Variants in C16orf96 observed in about 807,000 individuals in gnomAD.
C16orf96 encodes uncharacterized protein C16orf96.
Under a neutral mutation model 103.6 loss-of-function variants are expected in C16orf96, and 108 were observed. That is an observed-to-expected ratio of 1.04 (90% CI 0.89 to 1.22). C16orf96 has a LOEUF of 1.22. Among genes scored for constraint, C16orf96 ranks in the 50% most tolerant of loss-of-function variants. C16orf96 has a pLI of 0.00. For synonymous variants in C16orf96, 566 were observed against 593.5 expected (o/e 0.95, Z 0.67); for missense variants, 1,586 against 1,464.2 (o/e 1.08, Z -1.36).
Position 4,592,241 on chromosome 16 carries a change from T to C in C16orf96, c.2712-64T>C, listed in dbSNP as rs1347309271. The C allele has an allele frequency of 4.5e-6, 7 of 1,546,136 alleles. No individual in the cohort carries two copies. The African/African-American group carries it at 9.6e-5, about 21-fold the overall frequency. On this transcript the variant is annotated intron_variant, in intron 10 of 15. Transcript: ENST00000444310. ...ATGCAGCCCTGGGGCTCTGGCTGGC[T>C]GCAGCCTCCCACACATGGCCTGGGC...
chr16:4,583,968 C>G (rs1438722349), intron 7 of C16orf96, among the ~76,000 whole-genome samples: 1 of 148,034 alleles, frequency 6.8e-6, no homozygotes, highest in Non-Finnish European at 1.5e-5. Flanking sequence ...AAGACCAGAT[C>G]TAAGATTTAC....
chr16:4,556,905 C>T lies in C16orf96; in HGVS notation c.416C>T (p.Ala139Val). Residue 139 changes from alanine (A) to valine (V), a missense_variant, in exon 1 of 16, where the codon GCC becomes GTC. Coordinates refer to ENST00000444310, the MANE Select transcript of C16orf96 (RefSeq NM_001145011.2). ...GTGGAGGGTCATGATGAAGTCATGG[C>T]CAAGGTACGCCCCCAGCCTCCAGAC... ...KMVEGHDEVM[A>V]KSMQTLQDLL... 6.5e-7 allele frequency: 1 copy of T among 1,539,072 alleles called. No homozygotes were observed. The highest frequency in any genetic ancestry group is 1.4e-5 in the African/African-American group (1 of 72,940).
intron 9 of C16orf96, among the ~76,000 whole-genome samples, chr16:4,589,369 A>G (rs1897003625): frequency 6.6e-6 from 1 of 151,316 alleles, no homozygotes; most frequent in South Asian, 2.1e-4. Flanking sequence ...ACTTGAGCCC[A>G]GGAGTTCAAG....
At chr16:4,540,869 A>G in the C16orf96 span, among the ~76,000 whole-genome samples, 4 of 149,288 alleles carry the variant, frequency 2.7e-5, no homozygotes, top group Non-Finnish European at 5.9e-5. Context: ...TCAGCCTCCC[A>G]AGTAGCTGGG....
intron 1 of C16orf96, among the ~76,000 whole-genome samples, chr16:4,563,349 A>T (rs2059352755): frequency 6.6e-6 from 1 of 152,004 alleles, no homozygotes; most frequent in Non-Finnish European, 1.5e-5. Flanking sequence ...TCCCGGGCTC[A>T]ACCCTGGAGG....
rs557189209 is a variant in C16orf96 at position 4,576,229 on chromosome 16, C to T, written c.1749C>T (p.Ser583=). 1 of 1,550,818 alleles carries T rather than the reference C, an allele frequency of 6.4e-7. No individual in the cohort carries two copies. The highest frequency in any genetic ancestry group is 2.4e-5 in the East Asian group (1 of 40,926). The change falls in exon 5 of 16, where the codon TCC becomes TCT. Residue 583 remains serine (S), a synonymous_variant. Coordinates refer to ENST00000444310, the MANE Select transcript of C16orf96 (RefSeq NM_001145011.2). Reference sequence around the variant, plus strand: ...CCGCAGCCTACGCCGCTGCCACATCCTCCGCTGCCCAGGCAGCCAAAGTTG... The same window carrying T: ...CCGCAGCCTACGCCGCTGCCACATCTTCCGCTGCCCAGGCAGCCAAAGTTG... The part of the protein sequence containing the change: ...AAAAAYAAAT[S]SAAQAAKVAA...
chr16:4,552,537 A>G (rs1291248252), upstream of C16orf96, among the ~76,000 whole-genome samples: 2 of 151,764 alleles, frequency 1.3e-5, no homozygotes, highest in Non-Finnish European at 2.9e-5. Context: ...CCACTATTAC[A>G]TGTAGTTGTC....
chr16:4,576,469 G>C lies in C16orf96; in HGVS notation c.1989G>C (p.Leu663=). 1.4e-5 allele frequency: 22 copies of C among 1,551,478 alleles called. No individual in the cohort carries two copies. Among genetic ancestry groups the C allele is most frequent in the Admixed American group, 2.0e-5 (1 of 51,002 alleles). The change falls in exon 5 of 16, where the codon CTG becomes CTC. Residue 663 remains leucine, a synonymous_variant. Coordinates refer to ENST00000444310, the MANE Select transcript of C16orf96 (RefSeq NM_001145011.2). ...SAASIGPDPA[L]SQAMVATKQA... is the part of the protein sequence containing the mutation. The stretch of plus-strand genomic sequence containing the variant: ...CCAGCATCGGTCCCGATCCAGCCCT[G>C]TCCCAGGCCATGGTGGCTACCAAGC...
chr16:4,551,986 C>T (rs984357551), upstream of C16orf96, among the ~76,000 whole-genome samples: 10 of 152,156 alleles, frequency 6.6e-5, no homozygotes, highest in South Asian at 1.2e-3. Flanking sequence ...TTGTTCACCT[C>T]CCACTTATGA....
At chr16:4,547,681 CTTCCTTCCTTCTTTCTTTCTTTCTTTCT>C in the C16orf96 span, among the ~76,000 whole-genome samples, 2 of 16,448 alleles carry the variant, frequency 1.2e-4, no homozygotes, top group Non-Finnish European at 1.9e-4. Context: ...TGCTTCCTTC[CTTCCTTCCTTCTTTCTTTCTTTCTTTCT>C]TTCTTTCTTT....
Position 4,580,038 on chromosome 16 carries a change from G to C in C16orf96, c.2265G>C (p.Trp755Cys). 1 of 1,551,190 alleles carries C rather than the reference G, an allele frequency of 6.4e-7. No homozygotes were observed. The highest frequency in any genetic ancestry group is 8.7e-7 in the Non-Finnish European group (1 of 1,146,796). Reference protein sequence around the residue: ...RLKEEELERIWGNQIEMMKDR... With the variant: ...RLKEEELERICGNQIEMMKDR... Reference sequence around the variant, plus strand: ...AGGAGGAAGAACTTGAGAGAATTTGGGGCAACCAAATAGAGATGATGAAGG... The same window carrying C: ...AGGAGGAAGAACTTGAGAGAATTTGCGGCAACCAAATAGAGATGATGAAGG... The change falls in exon 7 of 16, where the codon TGG becomes TGC. Residue 755 changes from tryptophan (W) to cysteine (C), a missense_variant. Physicochemically the swap from Trp to Cys is radical, Grantham distance 215 (BLOSUM62 -2). Coordinates refer to ENST00000444310, the MANE Select transcript of C16orf96 (RefSeq NM_001145011.2).
In C16orf96 at chr16:4,600,711, C is replaced by A. The variant is rs1270528488; in HGVS notation, c.*394C>A. Reference sequence around the variant, plus strand: ...GCATATAAATACAAACAGCACAGTGCACATTCTCATTCTACATTGTCATAT... The same window carrying A: ...GCATATAAATACAAACAGCACAGTGAACATTCTCATTCTACATTGTCATAT... On this transcript the variant is annotated 3_prime_UTR_variant, in exon 16 of 16. Coordinates refer to ENST00000444310, the MANE Select transcript of C16orf96 (RefSeq NM_001145011.2). 4.8e-6 allele frequency: 1 copy of A among 206,338 alleles called. No individual in the cohort carries two copies. The highest frequency in any genetic ancestry group is 2.3e-5 in the African/African-American group (1 of 43,350). The allele number at this position is 206,338 out of a possible 1,614,324, so 12.8% of individuals were successfully genotyped here. A position where few individuals can be genotyped will look rare whatever the true frequency, so the allele number is the denominator to read the frequency against.
chr16:4,563,251 C>T (rs1040294428), intron 1 of C16orf96: 4 of 450,168 alleles, frequency 8.9e-6, no homozygotes, highest in East Asian at 1.1e-4. Context: ...ATGACTGACT[C>T]GTTTGTTTTT....
At chr16:4,589,805 T>C (rs986458116) in intron 9 of C16orf96, among the ~76,000 whole-genome samples, 6 of 152,244 alleles carry the variant, frequency 3.9e-5, no homozygotes, top group African/African-American at 1.4e-4. Context: ...ATTAGTGAAA[T>C]GTCACCATTT....
At position 4,600,296 on chromosome 16, in the gene C16orf96, C is replaced by A. The variant is rs372802536; in HGVS notation, c.3405C>A (p.Pro1135=). The part of the protein sequence containing the change: ...HIESRVGRKP[P]EEPANP ...AGTCCCGAGTCGGCAGGAAGCCCCC[C>A]GAGGAGCCCGCCAACCCGTGAGCCC... Residue 1135 remains proline (P), a synonymous_variant, in exon 16 of 16, where the codon CCC becomes CCA. Transcript: ENST00000444310. The A allele has an allele frequency of 2.9e-5, 45 of 1,550,132 alleles. No homozygotes were observed. In the Admixed American group the frequency reaches 2.9e-4, roughly 10 times the overall value.
At chr16:4,599,386 C>G (rs1897239351) in intron 15 of C16orf96, 22 bp downstream of exon 15, 3 of 1,542,732 alleles carry the variant, frequency 1.9e-6, no homozygotes, top group Non-Finnish European at 2.6e-6. Context: ...GTTCCCAGCC[C>G]CAGCCCAGCT....
chr16:4,570,746 A>G (rs980525610), intron 1 of C16orf96, among the ~76,000 whole-genome samples: 1 of 152,132 alleles, frequency 6.6e-6, no homozygotes, highest in African/African-American at 2.4e-5. Flanking sequence ...GATTATAGGC[A>G]TGAGCCACCG....
At chr16:4,592,964 C>T (rs559819955) in intron 11 of C16orf96, among the ~76,000 whole-genome samples, 4 of 152,358 alleles carry the variant, frequency 2.6e-5, no homozygotes, top group South Asian at 2.1e-4. Context: ...TGTATGCCAC[C>T]GCGCCTAGCC....
chr16:4,579,047 C>A (rs527901482), intron 6 of C16orf96, 22 bp downstream of exon 6: 1 of 1,547,758 alleles, frequency 6.5e-7, no homozygotes, highest in Non-Finnish European at 8.7e-7. Flanking sequence ...CGGCGAAGGG[C>A]TTTTGAGGCA....
Sources: allele counts gnomAD v4.1 joint callset (sites outside exome capture counted in the v4.1 genomes callset), GRCh38; gene constraint gnomAD v4.1.1; transcripts MANE v1.5; gene names NCBI Gene and HGNC (gene_info 2026-07-23, HGNC 2026-07-21).